GPC6: variants seen among roughly 807,000 people sequenced by gnomAD.
GPC6 encodes glypican-6.
GPC6 carries 14 observed loss-of-function variants against 55.2 expected under a neutral mutation model. The observed-to-expected ratio is 0.25, with a 90% CI of 0.17 to 0.40. The LOEUF (loss-of-function observed/expected upper bound fraction) is 0.40. Ranked by LOEUF, GPC6 falls within the 10% of genes least tolerant of loss-of-function variation. The pLI is 1.00. For missense variants in GPC6, 641 were observed against 708.5 expected (o/e 0.90, Z 1.08); for synonymous variants, 278 against 259.6 (o/e 1.07, Z -0.68).
At chr13:93,964,806 G>T (rs1397919063) in intron 3 of GPC6, among the ~76,000 whole-genome samples, 3 of 152,088 alleles carry the variant, frequency 2.0e-5, no homozygotes, top group African/African-American at 7.2e-5. Context: ...TCACCTACTA[G>T]AAAGAGAAAA....
chr13:93,515,990 A>G (rs772422191), intron 1 of GPC6, among the ~76,000 whole-genome samples: 9 of 152,278 alleles, frequency 5.9e-5, no homozygotes, highest in Non-Finnish European at 1.2e-4. Context: ...AAAATTCCCA[A>G]GGTATTTTTT....
chr13:93,444,522 G>A (rs1009759097), intron 1 of GPC6, among the ~76,000 whole-genome samples: 1 of 152,116 alleles, frequency 6.6e-6, no homozygotes, highest in Admixed American at 6.5e-5. Flanking sequence ...CAGAAGAATC[G>A]CTTGAACCTG....
intron 1 of GPC6, among the ~76,000 whole-genome samples, chr13:93,481,266 C>G (rs1879512731): frequency 6.6e-6 from 1 of 152,042 alleles, no homozygotes. Context: ...ATTTCTTATT[C>G]ATTTTTAAAT....
intron 1 of GPC6, among the ~76,000 whole-genome samples, chr13:93,246,095 C>T (rs1876594895): frequency 6.6e-6 from 1 of 152,172 alleles, no homozygotes; most frequent in African/African-American, 2.4e-5. Flanking sequence ...TCCCCCCAAC[C>T]TCCTCCTTGA....
chr13:94,232,000 C>T (rs572239365), intron 4 of GPC6, among the ~76,000 whole-genome samples: 8 of 152,206 alleles, frequency 5.3e-5, no homozygotes, highest in South Asian at 2.1e-4. Context: ...CAACAAGAGC[C>T]GACCATGTTG....
chr13:93,371,873 T>C (rs550290570), intron 1 of GPC6, among the ~76,000 whole-genome samples: 1 of 152,248 alleles, frequency 6.6e-6, no homozygotes, highest in East Asian at 1.9e-4. Context: ...GTCATAGAAT[T>C]CATTGTTAGC....
chr13:93,385,774 A>G (rs939116569), intron 1 of GPC6, among the ~76,000 whole-genome samples: 3 of 152,148 alleles, frequency 2.0e-5, no homozygotes, highest in Admixed American at 6.5e-5. Context: ...ATTATAGTTT[A>G]CATAGTAATA....
At chr13:93,337,237 G>T (rs1389725713) in intron 1 of GPC6, among the ~76,000 whole-genome samples, 1 of 152,112 alleles carries the variant, frequency 6.6e-6, no homozygotes, top group Non-Finnish European at 1.5e-5. Context: ...GATTTTCTGT[G>T]CATTACATTA....
At chr13:93,589,909 G>A (rs1594291979) in intron 2 of GPC6, among the ~76,000 whole-genome samples, 1 of 152,268 alleles carries the variant, frequency 6.6e-6, no homozygotes, top group East Asian at 1.9e-4. Flanking sequence ...AGGACTCTTT[G>A]AGAGCAAATC....
intron 2 of GPC6, among the ~76,000 whole-genome samples, chr13:93,816,236 G>C (rs928791252): frequency 2.0e-5 from 3 of 152,032 alleles, no homozygotes; most frequent in Non-Finnish European, 4.4e-5. Context: ...CCAAGAAATA[G>C]ATGGAAATTA....
intron 2 of GPC6, among the ~76,000 whole-genome samples, chr13:93,779,840 A>T (rs1159686930): frequency 6.6e-6 from 1 of 151,766 alleles, no homozygotes; most frequent in Admixed American, 6.6e-5. Context: ...GAATGGGGAG[A>T]CTCTTCCACT....
chr13:93,645,922 C>T (rs1197512107), intron 2 of GPC6, among the ~76,000 whole-genome samples: 2 of 152,128 alleles, frequency 1.3e-5, no homozygotes, highest in East Asian at 1.9e-4. Flanking sequence ...TGACTAATCT[C>T]GTCCCCCGAC....
chr13:93,868,257 A>G (rs1889030329), intron 3 of GPC6, among the ~76,000 whole-genome samples: 1 of 151,768 alleles, frequency 6.6e-6, no homozygotes, highest in African/African-American at 2.4e-5. Context: ...CTTTTTCAGT[A>G]ATGTTAGCTA....
At chr13:94,168,881 C>A (rs1272074586) in intron 4 of GPC6, among the ~76,000 whole-genome samples, 1 of 151,810 alleles carries the variant, frequency 6.6e-6, no homozygotes, top group East Asian at 1.9e-4. Flanking sequence ...GGTAAGTAGG[C>A]CCTGGTGAAG....
In GPC6 at chr13:93,518,087, T is replaced by C. The variant is rs72641614; in HGVS notation, c.161-27176T>C. On this transcript the variant is annotated intron_variant, in intron 1 of 8. Coordinates refer to ENST00000377047, the MANE Select transcript of GPC6 (RefSeq NM_005708.5). Reference sequence around the variant, plus strand: ...TCAAATTTATTCATTTATCAAACAGTTTTTCAGTTTTGTTTGGGATACAAA... The same window carrying C: ...TCAAATTTATTCATTTATCAAACAGCTTTTCAGTTTTGTTTGGGATACAAA... 7.3e-3 allele frequency among the ~76,000 whole-genome samples: 1,112 copies of C among 151,968 alleles called. 2 individuals carry two copies. Among genetic ancestry groups the C allele is most frequent in the Admixed American group, 0.014 (206 of 15,200 alleles).
intron 1 of GPC6, among the ~76,000 whole-genome samples, chr13:93,351,342 G>A (rs767599173): frequency 3.3e-5 from 5 of 151,934 alleles, no homozygotes; most frequent in Non-Finnish European, 7.4e-5. Flanking sequence ...GCAACATTTT[G>A]GAAACATTTT....
intron 6 of GPC6, among the ~76,000 whole-genome samples, chr13:94,340,911 G>A (rs965695063): frequency 1.3e-5 from 2 of 152,174 alleles, no homozygotes; most frequent in Non-Finnish European, 2.9e-5. Context: ...AAAGTATTTA[G>A]TACTTCAAAT....
intron 1 of GPC6, among the ~76,000 whole-genome samples, chr13:93,242,568 G>T (rs1876468435): frequency 6.6e-6 from 1 of 152,138 alleles, no homozygotes. Context: ...GCAGCAGTGG[G>T]TGAGGGGGAG....
chr13:93,962,323 A>G (rs951244083), intron 3 of GPC6, among the ~76,000 whole-genome samples: 1 of 152,174 alleles, frequency 6.6e-6, no homozygotes, highest in African/African-American at 2.4e-5. Flanking sequence ...GAAATTAATT[A>G]TTGATAAGAA....
Sources: allele counts gnomAD v4.1 joint callset (sites outside exome capture counted in the v4.1 genomes callset), GRCh38; gene constraint gnomAD v4.1.1; transcripts MANE v1.5; gene names NCBI Gene and HGNC (gene_info 2026-07-23, HGNC 2026-07-21).